Variants in MCU observed in about 807,000 individuals in gnomAD.
MCU encodes the protein calcium uniporter protein, mitochondrial.
A neutral mutation model predicts 45.2 loss-of-function variants in MCU; 12 were observed. The ratio of observed to expected loss-of-function variants is 0.27; its 90% confidence interval spans 0.17 to 0.43. The LOEUF (loss-of-function observed/expected upper bound fraction) is 0.43. Among genes scored for constraint, MCU ranks in the 20% least tolerant of loss-of-function variants. The pLI is 1.00. For synonymous variants in MCU, 160 were observed against 165.1 expected, an observed-to-expected ratio of 0.97 and a Z score of 0.24; for missense variants, 324 against 436.7, an observed-to-expected ratio of 0.74 and a Z score of 2.30.
In MCU at chr10:72,859,187, G is replaced by C. The variant is rs762486635; in HGVS notation, c.231G>C (p.Val77=). 61 of 1,594,960 alleles carry C rather than the reference G, an allele frequency of 3.8e-5. No homozygotes were observed. The East Asian group carries it at 1.3e-3, about 33-fold the overall frequency. Residue 77 remains valine, a synonymous_variant, in exon 3 of 8, where the codon GTG becomes GTC. Transcript: ENST00000373053. ...STVVPSDDVT[V]VYQNGLPVIS... ...GTCTTTTTCATTCAGATGTTACAGTGGTTTATCAAAATGGGTTACCTGTGA... is the reference window on the plus strand; with the variant it reads ...GTCTTTTTCATTCAGATGTTACAGTCGTTTATCAAAATGGGTTACCTGTGA...
chr10:72,718,063 C>T (rs1255080259), intron 1 of MCU, among the ~76,000 whole-genome samples: 1 of 152,054 alleles, frequency 6.6e-6, no homozygotes, highest in Admixed American at 6.6e-5. Context: ...TTCAGATTCC[C>T]TTAGTTTTTG....
At chr10:72,834,524 C>T (rs1276513114) in intron 2 of MCU, 96 bp downstream of exon 2, 2 of 1,046,814 alleles carry the variant, frequency 1.9e-6, no homozygotes, top group African/African-American at 3.1e-5. Flanking sequence ...AAACCATACT[C>T]TTTCAGTTAA....
chr10:72,846,477 A>C (rs968824299), intron 2 of MCU, among the ~76,000 whole-genome samples: 1 of 152,172 alleles, frequency 6.6e-6, no homozygotes, highest in Non-Finnish European at 1.5e-5. Flanking sequence ...CTCGCGCATT[A>C]GTCACTTAGT....
chr10:72,786,652 A>G (rs1270776932), intron 1 of MCU, among the ~76,000 whole-genome samples: 1 of 152,176 alleles, frequency 6.6e-6, no homozygotes, highest in African/African-American at 2.4e-5. Flanking sequence ...AGATTGAGGC[A>G]GGAGAATCGC....
intron 1 of MCU, among the ~76,000 whole-genome samples, chr10:72,778,193 A>T (rs187874617): frequency 6.6e-6 from 1 of 152,324 alleles, no homozygotes; most frequent in East Asian, 1.9e-4. Context: ...CAAAAGAAAG[A>T]TAATCAATAT....
chr10:72,839,963 C>CAA (rs34053459), intron 2 of MCU, among the ~76,000 whole-genome samples: 165 of 76,050 alleles, frequency 2.2e-3, no homozygotes, highest in Middle Eastern at 9.3e-3. Flanking sequence ...GACTCCGTCT[C>CAA]AAAAAAAAAA....
intron 1 of MCU, among the ~76,000 whole-genome samples, chr10:72,718,226 G>C (rs1842977864): frequency 6.6e-6 from 1 of 152,184 alleles, no homozygotes; most frequent in Admixed American, 6.5e-5. Flanking sequence ...AACAGGCAAA[G>C]TTTGGACTTG....
In MCU at chr10:72,859,338, T is replaced by G; in HGVS notation, c.382T>G (p.Tyr128Asp). 1 of 1,610,656 alleles carries G rather than the reference T, an allele frequency of 6.2e-7. No homozygotes were observed. The highest frequency in any genetic ancestry group is 2.2e-5 in the East Asian group (1 of 44,864). ...TCGGGGAATTGACAGAGTTGCTATC[T>G]ATTCACCAGGTATAGTCACCATCAT... ...EDRGIDRVAIYSPDGVRVAAS... is the reference protein window; with the variant it reads ...EDRGIDRVAIDSPDGVRVAAS... Residue 128 changes from tyrosine (Y) to aspartate (D), a missense_variant, in exon 3 of 8, where the codon TAT (tyrosine) becomes GAT (aspartate). By Grantham distance (160) the Tyr-to-Asp change is radical. Transcript: ENST00000373053.
At position 72,789,227 on chromosome 10, in the gene MCU, T is replaced by C. The variant is rs116970126; in HGVS notation, c.151-45132T>C. On this transcript the variant is annotated intron_variant, in intron 1 of 7. Transcript: ENST00000373053. ...AGACTTTGGAAACATCAAAGGTACT[T>C]AAAGAATATAATCTTAGCACAATAG... Among the ~76,000 whole-genome samples, 14 of 152,304 alleles carry C rather than the reference T, an allele frequency of 9.2e-5. No individual in the cohort carries two copies. In the East Asian group the frequency reaches 2.7e-3, roughly 29 times the overall value.
intron 1 of MCU, among the ~76,000 whole-genome samples, chr10:72,813,781 G>A (rs1464463889): frequency 2.7e-5 from 4 of 148,788 alleles, no homozygotes; most frequent in Admixed American, 6.7e-5. Context: ...CTTGATGTCT[G>A]CACTATGGAT....
At chr10:72,825,000 A>G (rs2132821198) in intron 1 of MCU, among the ~76,000 whole-genome samples, 1 of 152,300 alleles carries the variant, frequency 6.6e-6, no homozygotes, top group South Asian at 2.1e-4. Context: ...TCTGTAAGTC[A>G]AGGTCAAAAT....
intron 2 of MCU, among the ~76,000 whole-genome samples, chr10:72,840,531 TTC>T (rs1845032100): frequency 6.6e-6 from 1 of 152,312 alleles, no homozygotes; most frequent in African/African-American, 2.4e-5. Flanking sequence ...CAGTTGGAAA[TTC>T]TGTGTCATTA....
At chr10:72,700,058 A>ATT (rs71021525) in intron 1 of MCU, among the ~76,000 whole-genome samples, 64,472 of 135,130 alleles carry the variant, frequency 0.48, 17,058 homozygotes, top group Non-Finnish European at 0.62. Flanking sequence ...TTGGGGTCAA[A>ATT]TTTTTTTTTT....
intron 1 of MCU, among the ~76,000 whole-genome samples, chr10:72,800,788 C>T (rs2132780474): frequency 6.6e-6 from 1 of 152,314 alleles, no homozygotes; most frequent in South Asian, 2.1e-4. Flanking sequence ...AATTTACACA[C>T]AATGAAGTAC....
At chr10:72,769,402 G>A (rs1843773586) in intron 1 of MCU, among the ~76,000 whole-genome samples, 2 of 152,084 alleles carry the variant, frequency 1.3e-5, no homozygotes, top group Admixed American at 1.3e-4. Context: ...GTTAAATATG[G>A]GGAGGAAAGG....
At chr10:72,835,660 A>G (rs1020569421) in intron 2 of MCU, among the ~76,000 whole-genome samples, 4 of 152,210 alleles carry the variant, frequency 2.6e-5, no homozygotes, top group Admixed American at 1.3e-4. Context: ...AGAAAAATCC[A>G]TTGTGATTAC....
chr10:72,800,592 G>A (rs1369062077), intron 1 of MCU, among the ~76,000 whole-genome samples: 1 of 152,184 alleles, frequency 6.6e-6, no homozygotes, highest in Non-Finnish European at 1.5e-5. Flanking sequence ...AACCCTGTCT[G>A]TAGATTACAG....
intron 1 of MCU, among the ~76,000 whole-genome samples, chr10:72,823,885 C>T (rs1387368573): frequency 6.6e-6 from 1 of 151,906 alleles, no homozygotes; most frequent in Non-Finnish European, 1.5e-5. Flanking sequence ...CATAGCCAAA[C>T]CTCATCTCCA....
chr10:72,776,846 A>T (rs1488440219), intron 1 of MCU, among the ~76,000 whole-genome samples: 1 of 152,252 alleles, frequency 6.6e-6, no homozygotes, highest in African/African-American at 2.4e-5. Flanking sequence ...AATTGTTAAC[A>T]CTGATAAATG....
Sources: gnomAD v4.1 joint callset for allele counts (sites outside exome capture counted in the v4.1 genomes callset) on GRCh38, gnomAD v4.1.1 for gene constraint, MANE v1.5 for transcripts, NCBI Gene and HGNC (gene_info 2026-07-23, HGNC 2026-07-21) for gene names.